The following RTKN2 variants were observed in gnomAD, a reference collection of about 807,000 sequenced individuals.
RTKN2 encodes rhotekin-2.
Under a neutral mutation model 71.5 loss-of-function variants are expected in RTKN2, and 69 were observed. The ratio of observed to expected loss-of-function variants is 0.96; its 90% confidence interval spans 0.79 to 1.18. The LOEUF is 1.18. RTKN2 is among the 50% of genes most tolerant of loss of function. The pLI, the probability that RTKN2 is intolerant of heterozygous loss-of-function variation, is 0.00. For synonymous variants in RTKN2, 236 were observed against 236.5 expected (o/e 1.00, Z 0.02); for missense variants, 724 against 719.7 (o/e 1.01, Z -0.07).
downstream of RTKN2, among the ~76,000 whole-genome samples, chr10:62,189,345 T>C (rs1841184414): frequency 3.3e-5 from 5 of 152,160 alleles, no homozygotes; most frequent in Admixed American, 3.3e-4. Context: ...GAGATCATAG[T>C]TCTAGGCAAT....
chr10:62,201,384 A>G (rs1322065428), intron 10 of RTKN2, among the ~76,000 whole-genome samples: 2 of 152,184 alleles, frequency 1.3e-5, no homozygotes, highest in African/African-American at 4.8e-5. Flanking sequence ...CTAAGCACAG[A>G]ATATGATAAA....
At chr10:62,220,963 T>C (rs1841891659) in intron 7 of RTKN2, among the ~76,000 whole-genome samples, 1 of 151,986 alleles carries the variant, frequency 6.6e-6, no homozygotes. Flanking sequence ...TAAAGCCATC[T>C]TCAGATAAAC....
intron 8 of RTKN2, among the ~76,000 whole-genome samples, chr10:62,185,531 G>A (rs545553102): frequency 3.3e-5 from 5 of 152,240 alleles, no homozygotes; most frequent in East Asian, 1.9e-4. Context: ...CAGGAGAACC[G>A]CTTGAACCCG....
In RTKN2 at chr10:62,268,840, G is replaced by A. The variant is rs1181782579; in HGVS notation, c.-230C>T. 7.5e-6 allele frequency: 4 copies of A among 534,654 alleles called. No homozygotes were observed. The highest frequency in any genetic ancestry group is 2.5e-5 in the South Asian group (1 of 39,730). 33.1% of individuals were successfully genotyped at this position (534,654 alleles called of 1,614,324 possible). A position where few individuals can be genotyped will look rare whatever the true frequency, so the allele number is the denominator to read the frequency against. ...CCGAGACCCCAGGCTCTAGCGCGGC[G>A]GGGCGGGGGAGAGGGCGGCGGTGCC... On this transcript the variant is annotated 5_prime_UTR_variant, in exon 1 of 12. Transcript: ENST00000373789.
rs973304912 is a variant in RTKN2 at position 62,193,465 on chromosome 10, T to C, written c.*4443A>G. 2.5e-5 allele frequency: 25 copies of C among 982,676 alleles called. No individual in the cohort carries two copies. Among genetic ancestry groups the C allele is most frequent in the Non-Finnish European group, 2.8e-5 (23 of 827,494 alleles). 60.9% of individuals were successfully genotyped at this position (982,676 alleles called of 1,614,324 possible). A position where few individuals can be genotyped will look rare whatever the true frequency, so the allele number is the denominator to read the frequency against. On this transcript the variant is annotated 3_prime_UTR_variant, in exon 12 of 12. Coordinates refer to ENST00000373789, the MANE Select transcript of RTKN2 (RefSeq NM_145307.4). ...TTTCTGTAACTTTTTTTGTTGTTAA[T>C]TGAATGTAAAGGTAGTTTGTTTCTC... is the stretch of plus-strand genomic sequence containing the variant.
intron 4 of RTKN2, among the ~76,000 whole-genome samples, chr10:62,240,679 G>C (rs1446300018): frequency 6.7e-6 from 1 of 149,008 alleles, no homozygotes; most frequent in African/African-American, 2.5e-5. Flanking sequence ...ACACGGATTT[G>C]TAAAGACTGT....
intron 9 of RTKN2, among the ~76,000 whole-genome samples, chr10:62,213,700 C>T (rs1312726363): frequency 6.6e-6 from 1 of 151,668 alleles, no homozygotes; most frequent in Non-Finnish European, 1.5e-5. Context: ...GTCTTATGTT[C>T]AAATGGGTCA....
chr10:62,232,940 CTT>C (rs1842180638), intron 6 of RTKN2, among the ~76,000 whole-genome samples: 1 of 152,092 alleles, frequency 6.6e-6, no homozygotes, highest in Non-Finnish European at 1.5e-5. Context: ...ATTAATCTCT[CTT>C]GGGTCACAGA....
chr10:62,236,308 A>G (rs1842258541), intron 5 of RTKN2, 45 bp from the exon 6 acceptor site: 1 of 1,233,704 alleles, frequency 8.1e-7, no homozygotes, highest in Non-Finnish European at 1.2e-6. Context: ...AACTCAGTAG[A>G]AAATAAAATT....
intron 8 of RTKN2, among the ~76,000 whole-genome samples, chr10:62,185,871 C>G (rs1197870157): frequency 6.6e-6 from 1 of 152,214 alleles, no homozygotes; most frequent in African/African-American, 2.4e-5. Flanking sequence ...ATAGTAATAG[C>G]CACAGTAGCT....
rs1275951520 is a variant in RTKN2 at position 62,262,799 on chromosome 10, A to G, written c.83T>C (p.Ile28Thr). The change falls in exon 2 of 12, where the codon ATA becomes ACA. Residue 28 changes from isoleucine (I) to threonine (T), a missense_variant. Ile to Thr is a moderately conservative substitution (Grantham distance 89). Transcript: ENST00000373789. The stretch of plus-strand genomic sequence containing the variant: ...TTCTCGCATTCGAATTTCTAAGTCT[A>G]TTTTTTCTTGAATGTTGCAGTCCTA... ...TQQDCNIQEK[I>T]DLEIRMREGI... The G allele has an allele frequency of 1.9e-6, 3 of 1,607,138 alleles. No individual in the cohort carries two copies. Among genetic ancestry groups the G allele is most frequent in the Admixed American group, 3.4e-5 (2 of 58,604 alleles).
At chr10:62,241,900 C>T (rs1222981877) in intron 3 of RTKN2, among the ~76,000 whole-genome samples, 4 of 152,192 alleles carry the variant, frequency 2.6e-5, no homozygotes, top group Admixed American at 6.5e-5. Flanking sequence ...GGGGTTTTAC[C>T]GTGTTAGCCA....
intron 2 of RTKN2, among the ~76,000 whole-genome samples, chr10:62,254,397 C>G (rs1842637124): frequency 6.6e-6 from 1 of 152,130 alleles, no homozygotes; most frequent in Non-Finnish European, 1.5e-5. Flanking sequence ...TGTAAGTTTC[C>G]TCAGGCCTCC....
At chr10:62,243,252 T>C (rs1842416737) in intron 3 of RTKN2, among the ~76,000 whole-genome samples, 2 of 151,812 alleles carry the variant, frequency 1.3e-5, no homozygotes, top group Admixed American at 1.3e-4. Context: ...TTATTCTTAT[T>C]ATTTTAGCTA....
At chr10:62,261,602 G>T (rs1295240781) in intron 2 of RTKN2, among the ~76,000 whole-genome samples, 1 of 152,106 alleles carries the variant, frequency 6.6e-6, no homozygotes, top group African/African-American at 2.4e-5. Flanking sequence ...AGTGAGCTGA[G>T]ATCACACCAC....
exon 9 of RTKN2, chr10:62,184,227 GT>G (rs11297358): frequency 0.28 from 215,448 of 779,178 alleles, 32,086 homozygotes; most frequent in African/African-American, 0.46. Context: ...AAGGAGACGC[GT>G]TGTCTTTTCC....
In RTKN2 at chr10:62,194,265, C is replaced by T. The variant is rs1024191821; in HGVS notation, c.*3643G>A. The T allele has an allele frequency of 6.1e-6, 6 of 984,672 alleles. No homozygotes were observed. The African/African-American group carries it at 1.0e-4, about 17-fold the overall frequency. The allele number at this position is 984,672 out of a possible 1,614,324, so 61.0% of individuals were successfully genotyped here. On this transcript the variant is annotated 3_prime_UTR_variant, in exon 12 of 12. Coordinates refer to ENST00000373789, the MANE Select transcript of RTKN2 (RefSeq NM_145307.4). ...CATCTTTCCCAGAGTTAACTAAGAACATCTATGATCCAGAATATGCAGATT... is the reference window on the plus strand; with the variant it reads ...CATCTTTCCCAGAGTTAACTAAGAATATCTATGATCCAGAATATGCAGATT...
chr10:62,244,078 G>A (rs1341571300), intron 3 of RTKN2, among the ~76,000 whole-genome samples: 2 of 152,014 alleles, frequency 1.3e-5, no homozygotes, highest in African/African-American at 4.8e-5. Flanking sequence ...GAAAACCCAG[G>A]TATTTTCTGG....
In RTKN2 at chr10:62,184,123, A is replaced by G. The variant is rs1007663846; in HGVS notation, c.*199T>C. 7 of 478,168 alleles carry G rather than the reference A, an allele frequency of 1.5e-5. No homozygotes were observed. The Admixed American group carries it at 2.0e-4, about 14-fold the overall frequency. The allele number at this position is 478,168 out of a possible 1,614,324, so 29.6% of individuals were successfully genotyped here. ...AACACTGAATGGAAAATAAACATGG[A>G]CAGCTCTACAAAATGTTTACTCAAT... is the stretch of plus-strand genomic sequence containing the variant. On this transcript the variant is annotated 3_prime_UTR_variant, in exon 9 of 9. Transcript: ENST00000315289.
Sources: allele counts gnomAD v4.1 joint callset (sites outside exome capture counted in the v4.1 genomes callset), GRCh38; gene constraint gnomAD v4.1.1; transcripts MANE v1.5; gene names NCBI Gene and HGNC (gene_info 2026-07-23, HGNC 2026-07-21).